Variants in DICER1 observed in about 807,000 individuals in gnomAD.
DICER1 encodes dicer 1, ribonuclease III.
DICER1 carries 43 observed loss-of-function variants against 194.1 expected under a neutral mutation model. That is an observed-to-expected ratio of 0.22 (90% CI 0.17 to 0.29). The LOEUF is 0.29. DICER1 is among the 10% of genes least tolerant of loss of function. The probability of loss-of-function intolerance (pLI) is 1.00; values close to 1 mark genes in which losing one functional copy is unlikely to be tolerated. For synonymous variants in DICER1, 832 were observed against 820.5 expected, an observed-to-expected ratio of 1.01 and a Z score of -0.24; for missense variants, 1,608 against 2,317.0, an observed-to-expected ratio of 0.69 and a Z score of 6.28.
At position 95,099,710 on chromosome 14, in the gene DICER1, C is replaced by T. The variant is rs150735192; in HGVS notation, c.4206+70G>A. 366 of 1,535,926 alleles carry T rather than the reference C, an allele frequency of 2.4e-4. 4 individuals carry two copies. The East Asian group carries it at 5.2e-3, about 22-fold the overall frequency. The stretch of plus-strand genomic sequence containing the variant: ...TAATAAAACAAATTATTTGGCTCAC[C>T]GAAAAGTAAATCCCTCCAGTTACAC... On this transcript the variant is annotated intron_variant, in intron 22 of 26. Coordinates refer to ENST00000343455, the MANE Select transcript of DICER1 (RefSeq NM_177438.3).
In DICER1 at chr14:95,096,385, A is replaced by G; in HGVS notation, c.4535T>C (p.Leu1512Pro). ...DYSSWDAMCYLDPSKAVEEDD... is the reference protein window; with the variant it reads ...DYSSWDAMCYPDPSKAVEEDD... ...TTCTTCAACAGCTTTGCTAGGATCCAGATAGCACATTGCATCCCAAGAGCT... is the reference window on the plus strand; with the variant it reads ...TTCTTCAACAGCTTTGCTAGGATCCGGATAGCACATTGCATCCCAAGAGCT... Residue 1512 changes from leucine (L) to proline (P), a missense_variant, in exon 23 of 27, where the codon CTG becomes CCG. By Grantham distance (98) the Leu-to-Pro change is moderately conservative. Coordinates refer to ENST00000343455, the MANE Select transcript of DICER1 (RefSeq NM_177438.3). 1 of 1,614,274 alleles carries G rather than the reference A, an allele frequency of 6.2e-7. No homozygotes were observed. The highest frequency in any genetic ancestry group is 8.5e-7 in the Non-Finnish European group (1 of 1,180,048).
In DICER1 at chr14:95,124,419, G is replaced by T. The variant is rs746886465; in HGVS notation, c.1153C>A (p.Arg385Ser). The T allele has an allele frequency of 6.2e-7, 1 of 1,614,054 alleles. No individual in the cohort carries two copies. The highest frequency in any genetic ancestry group is 1.1e-5 in the South Asian group (1 of 91,078). Reference protein sequence around the residue: ...PKVIKLLEILRKYKPYERQQF... With the variant: ...PKVIKLLEILSKYKPYERQQF... ...TGTCGCTCATATGGTTTATATTTGC[G>T]TAAGATTTCGAGCAGTTTGATTACT... Residue 385 changes from arginine to serine, a missense_variant, in exon 8 of 27, where the codon CGC (arginine) becomes AGC (serine). Arg to Ser is a moderately radical substitution (Grantham distance 110). Around this residue, in one of 10 missense-constraint regions of DICER1, gnomAD observed 657 missense variants for 910.1 expected, o/e 0.72. Coordinates refer to ENST00000343455, the MANE Select transcript of DICER1 (RefSeq NM_177438.3). This position sits in a 1 kb window ranked among gnomAD's most constrained non-coding sequence, Gnocchi z 4.5.
Position 95,124,080 on chromosome 14 carries a change from A to T in DICER1, c.1376+116T>A. 8 of 752,542 alleles carry T rather than the reference A, an allele frequency of 1.1e-5. No homozygotes were observed. The highest frequency in any genetic ancestry group is 1.6e-5 in the Non-Finnish European group (7 of 440,160). 46.6% of individuals were successfully genotyped at this position (752,542 alleles called of 1,614,324 possible). ...TGACGTATCAGCAATGATGGCGCCA[A>T]GTCAAGGACACTTACATAACCCTCA... On this transcript the variant is annotated intron_variant, in intron 8 of 26. Transcript: ENST00000343455. The surrounding 1 kb of genome is among the most constrained non-coding windows in gnomAD (Gnocchi z 4.5).
chr14:95,150,313 G>A (rs908561508), intron 1 of DICER1, among the ~76,000 whole-genome samples: 6 of 151,958 alleles, frequency 3.9e-5, no homozygotes, highest in African/African-American at 7.3e-5. Flanking sequence ...GTGAAACCCC[G>A]TCTCCACTTA....
At chr14:95,122,959 C>CAAAGAAAGAAAGAAAGAAAG (rs33966914) in intron 8 of DICER1, among the ~76,000 whole-genome samples, 11 of 149,324 alleles carry the variant, frequency 7.4e-5, no homozygotes, top group African/African-American at 2.5e-4. Flanking sequence ...CACACACACA[C>CAAAGAAAGAAAGAAAGAAAG]AAAGAAAGAA....
In DICER1 at chr14:95,115,532, TTTTC is replaced by T. The variant is rs1892359422; in HGVS notation, c.1907+131_1907+134del. 2.0e-6 allele frequency: 2 copies of T among 1,001,502 alleles called. No individual in the cohort carries two copies. Among genetic ancestry groups the T allele is most frequent in the Non-Finnish European group, 1.6e-6 (1 of 645,142 alleles). 62.0% of individuals were successfully genotyped at this position (1,001,502 alleles called of 1,614,324 possible). A position where few individuals can be genotyped will look rare whatever the true frequency, so the allele number is the denominator to read the frequency against. ...AAAAAAAAATGAAAAAAGAAGTAAC[TTTTC>T]TTTATCGAAAATATGGCAAGTCTAA... On this transcript the variant is annotated intron_variant, in intron 11 of 26. Coordinates refer to ENST00000343455, the MANE Select transcript of DICER1 (RefSeq NM_177438.3).
At chr14:95,142,626 T>C (rs1894891631) in intron 1 of DICER1, among the ~76,000 whole-genome samples, 1 of 152,226 alleles carries the variant, frequency 6.6e-6, no homozygotes, top group Non-Finnish European at 1.5e-5. Context: ...AAAGGTAATA[T>C]GTCAAGTATA....
In DICER1 at chr14:95,117,427, TATTCTA is replaced by T. The variant is rs1892570747; in HGVS notation, c.1509+189_1509+194del. Among the ~76,000 whole-genome samples, 6 of 152,348 alleles carry T rather than the reference TATTCTA, an allele frequency of 3.9e-5. 1 individual carries two copies. Among genetic ancestry groups the T allele is most frequent in the South Asian group, 2.1e-4 (1 of 4,830 alleles). On this transcript the variant is annotated intron_variant, in intron 9 of 26. Coordinates refer to ENST00000343455, the MANE Select transcript of DICER1 (RefSeq NM_177438.3). ...ACACAAAATTGGTTTGCCAGATAGC[TATTCTA>T]ATTCTGAGCATACAAATCACTCTAC...
In DICER1 at chr14:95,090,171, C is replaced by CAAAAAAA. The variant is rs35649919; in HGVS notation, c.*320_*326dup. ...ACACTAAGCAAAGCTGACATAAACTCAAAAAAAAAAAAACAAAACCTGTCA... is the reference window on the plus strand; with the variant it reads ...ACACTAAGCAAAGCTGACATAAACTCAAAAAAAAAAAAAAAAAAAACAAAACCTGTCA... On this transcript the variant is annotated 3_prime_UTR_variant, in exon 27 of 27. Coordinates refer to ENST00000343455, the MANE Select transcript of DICER1 (RefSeq NM_177438.3). The CAAAAAAA allele has an allele frequency of 3.0e-6, 1 of 337,706 alleles. No individual in the cohort carries two copies. The highest frequency in any genetic ancestry group is 2.2e-5 in the African/African-American group (1 of 44,680). 20.9% of individuals were successfully genotyped at this position (337,706 alleles called of 1,614,324 possible).
At chr14:95,102,114 G>A (rs576240080) in intron 21 of DICER1, among the ~76,000 whole-genome samples, 55 of 152,276 alleles carry the variant, frequency 3.6e-4, no homozygotes, top group East Asian at 3.9e-4. Context: ...GTGTGTGTAC[G>A]TGTGTGTGCG....
Position 95,105,298 on chromosome 14 carries a change from G to C in DICER1, c.3094-52C>G. The stretch of plus-strand genomic sequence containing the variant: ...ATAAATACAAAGCGCACACACAAAA[G>C]AAAAAAAAAAAGACCAATTTCACTA... On this transcript the variant is annotated intron_variant, in intron 19 of 26. Transcript: ENST00000343455. This position sits in a 1 kb window ranked among gnomAD's most constrained non-coding sequence, Gnocchi z 4.9. The C allele has an allele frequency of 1.8e-5, 20 of 1,110,784 alleles. No individual in the cohort carries two copies. The highest frequency in any genetic ancestry group is 3.5e-5 in the African/African-American group (2 of 57,752). The allele number at this position is 1,110,784 out of a possible 1,614,324, so 68.8% of individuals were successfully genotyped here.
chr14:95,126,146 G>A (rs1004151411), intron 7 of DICER1, among the ~76,000 whole-genome samples: 1 of 152,144 alleles, frequency 6.6e-6, no homozygotes, highest in Non-Finnish European at 1.5e-5. Context: ...ATGATGTGGG[G>A]CCCACAATGG....
At chr14:95,119,897 T>A (rs1378918866) in intron 8 of DICER1, among the ~76,000 whole-genome samples, 1 of 152,232 alleles carries the variant, frequency 6.6e-6, no homozygotes, top group Non-Finnish European at 1.5e-5. Flanking sequence ...TCTTTGTACT[T>A]AACTCATGAC....
Position 95,111,387 on chromosome 14 carries a change from T to G in DICER1, c.2186A>C (p.His729Pro), listed in dbSNP as rs748084431. Residue 729 changes from histidine to proline, a missense_variant, in exon 14 of 27, where the codon CAT becomes CCT. His to Pro is a moderately conservative substitution (Grantham distance 77). Transcript: ENST00000343455. ...TVKYEEELDLHDEEETSVPGR... is the reference protein window; with the variant it reads ...TVKYEEELDLPDEEETSVPGR... ...TGGAACACTGGTCTCTTCTTCATCA[T>G]GCAAATCAAGCTCCTCTTCATATTT... The G allele has an allele frequency of 6.2e-7, 1 of 1,614,200 alleles. No homozygotes were observed. Among genetic ancestry groups the G allele is most frequent in the Non-Finnish European group, 8.5e-7 (1 of 1,180,006 alleles).
chr14:95,102,814 T>C (rs545530248), intron 21 of DICER1, among the ~76,000 whole-genome samples: 1 of 152,312 alleles, frequency 6.6e-6, no homozygotes, highest in South Asian at 2.1e-4. Flanking sequence ...AACTCTGGTG[T>C]CACCCTCTTC....
At chr14:95,122,833 C>T (rs991988410) in intron 8 of DICER1, among the ~76,000 whole-genome samples, 1 of 152,146 alleles carries the variant, frequency 6.6e-6, no homozygotes, top group Admixed American at 6.5e-5. Flanking sequence ...AGACTAAAAA[C>T]TGCCAGATGA....
At chr14:95,138,994 TAAA>T (rs67050539) in intron 1 of DICER1, among the ~76,000 whole-genome samples, 678 of 135,976 alleles carry the variant, frequency 5.0e-3, no homozygotes, top group African/African-American at 7.4e-3. Flanking sequence ...AATAAAAAAA[TAAA>T]AAAAAAAAAA....
intron 4 of DICER1, 88 bp from the exon 5 acceptor site, chr14:95,130,280 A>G (rs909176031): frequency 6.2e-5 from 80 of 1,284,498 alleles, no homozygotes; most frequent in African/African-American, 1.2e-4. Flanking sequence ...CCATTGTATC[A>G]TAAGTGAGGA....
rs1891180381 is a variant in DICER1 at position 95,104,031 on chromosome 14, C to T, written c.3365G>A (p.Cys1122Tyr). The T allele has an allele frequency of 1.2e-6, 2 of 1,614,054 alleles. No individual in the cohort carries two copies. Among genetic ancestry groups the T allele is most frequent in the Admixed American group, 1.7e-5 (1 of 60,034 alleles). Residue 1122 changes from cysteine (C) to tyrosine (Y), a missense_variant, in exon 21 of 27, where the codon TGT (cysteine) becomes TAT (tyrosine). Around this residue, in one of 10 missense-constraint regions of DICER1, gnomAD observed 222 missense variants for 215.5 expected, o/e 1.03. Transcript: ENST00000343455. ...NSSSAENDNY[C>Y]KHSTIVPENA... ...TTCAGGGACAATTGTGCTGTGCTTACAGTAATTATCATTTTCAGCTGAAGA... is the reference window on the plus strand; with the variant it reads ...TTCAGGGACAATTGTGCTGTGCTTATAGTAATTATCATTTTCAGCTGAAGA...
Sources: gnomAD v4.1 joint callset for allele counts (sites outside exome capture counted in the v4.1 genomes callset) on GRCh38, gnomAD v4.1.1 for gene constraint, gnomAD v4.1.1 regional missense constraint, Gnocchi (gnomAD v3.1) non-coding constraint, MANE v1.5 for transcripts, NCBI Gene and HGNC (gene_info 2026-07-23, HGNC 2026-07-21) for gene names.